The following OSBPL9 variants were observed in gnomAD, a reference collection of about 807,000 sequenced individuals.
The protein encoded by OSBPL9 is oxysterol binding protein like 9.
Under a neutral mutation model 106.6 loss-of-function variants are expected in OSBPL9, and 40 were observed. That is an observed-to-expected ratio of 0.38 (90% CI 0.29 to 0.49). The LOEUF is 0.49. OSBPL9 is among the 20% of genes least tolerant of loss of function. The pLI, the probability that OSBPL9 is intolerant of heterozygous loss-of-function variation, is 0.97. For synonymous variants in OSBPL9, 269 were observed against 295.4 expected (o/e 0.91, Z 0.92); for missense variants, 609 against 887.2 (o/e 0.69, Z 3.98).
intron 1 of OSBPL9, among the ~76,000 whole-genome samples, chr1:51,648,719 A>G (rs77047833): frequency 0.028 from 4,206 of 152,280 alleles, 89 homozygotes; most frequent in Non-Finnish European, 0.043. Context: ...ACTCAGCCAC[A>G]TTTTACATAT....
intron 1 of OSBPL9, among the ~76,000 whole-genome samples, chr1:51,651,431 C>A (rs564157846): frequency 3.9e-5 from 6 of 151,940 alleles, no homozygotes; most frequent in Non-Finnish European, 5.9e-5. Context: ...GGTGAAACCC[C>A]GTCTCTATCA....
chr1:51,538,821 T>A, the OSBPL9 span: 3 of 152,244 alleles, frequency 2.0e-5, no homozygotes, highest in African/African-American at 7.2e-5. Flanking sequence ...TGTCCAATAT[T>A]TTCTTTAGTC....
chr1:51,696,719 C>A (rs1396252307), intron 3 of OSBPL9, among the ~76,000 whole-genome samples: 2 of 152,196 alleles, frequency 1.3e-5, no homozygotes, highest in Non-Finnish European at 2.9e-5. Flanking sequence ...AACAAAAATT[C>A]TCTAAAAGAC....
At chr1:51,771,563 A>G (rs1016977035) in intron 12 of OSBPL9, among the ~76,000 whole-genome samples, 2 of 152,230 alleles carry the variant, frequency 1.3e-5, no homozygotes, top group African/African-American at 4.8e-5. Context: ...TAATAGAATA[A>G]TCTTTCTTTA....
At chr1:51,587,865 G>A (rs948293382) in intron 1 of OSBPL9, among the ~76,000 whole-genome samples, 1 of 152,126 alleles carries the variant, frequency 6.6e-6, no homozygotes, top group African/African-American at 2.4e-5. Context: ...TGAGGCTTCC[G>A]CCTCACCACT....
At chr1:51,614,433 T>G (rs1243459518), upstream of OSBPL9, 1 of 152,154 alleles carries the variant, frequency 6.6e-6, no homozygotes, top group African/African-American at 2.4e-5. Context: ...GGACTACAGA[T>G]GTGTGCCACC....
At chr1:51,717,283 T>C (rs1022019072) in intron 4 of OSBPL9, among the ~76,000 whole-genome samples, 1 of 152,190 alleles carries the variant, frequency 6.6e-6, no homozygotes, top group Non-Finnish European at 1.5e-5. Context: ...TCCTTTTTCA[T>C]TGAACTTTAT....
intron 2 of OSBPL9, among the ~76,000 whole-genome samples, chr1:51,610,880 G>A (rs766928508): frequency 2.0e-5 from 3 of 152,212 alleles, no homozygotes; most frequent in Non-Finnish European, 4.4e-5. Flanking sequence ...AGTCCTCAAA[G>A]AACCCAAGAG....
At chr1:51,714,160 A>T in intron 4 of OSBPL9, 81 bp downstream of exon 4, 3 of 1,014,062 alleles carry the variant, frequency 3.0e-6, no homozygotes, top group Non-Finnish European at 4.4e-6. Context: ...TTTTTTTTTA[A>T]ATAACTGTGG....
intron 1 of OSBPL9, chr1:51,583,489 G>A (rs1454778515): frequency 6.6e-6 from 1 of 152,206 alleles, no homozygotes. Flanking sequence ...ATCAGGACTT[G>A]AAGTATCATC....
At chr1:51,549,806 C>T in the OSBPL9 span, among the ~76,000 whole-genome samples, 2 of 152,214 alleles carry the variant, frequency 1.3e-5, no homozygotes, top group African/African-American at 4.8e-5. Context: ...GCACTCCAGC[C>T]TGGGCAACAG....
the OSBPL9 span, chr1:51,519,145 G>T: frequency 7.6e-7 from 1 of 1,321,020 alleles, no homozygotes. Flanking sequence ...GCTGAGGGCG[G>T]TGGGGGAGGG....
At chr1:51,724,113 T>A (rs1662660462) in intron 4 of OSBPL9, among the ~76,000 whole-genome samples, 1 of 151,824 alleles carries the variant, frequency 6.6e-6, no homozygotes, top group Admixed American at 6.6e-5. Flanking sequence ...CGCCTGCTAA[T>A]TTTTGTATTT....
At chr1:51,601,267 G>GTAT (rs1645324294) in intron 2 of OSBPL9, among the ~76,000 whole-genome samples, 1 of 152,242 alleles carries the variant, frequency 6.6e-6, no homozygotes, top group East Asian at 1.9e-4. Flanking sequence ...AAATTACTGT[G>GTAT]TAGTCCTGGG....
chr1:51,759,449 T>G (rs1279357625), intron 9 of OSBPL9: 1 of 152,210 alleles, frequency 6.6e-6, no homozygotes, highest in East Asian at 1.9e-4. Flanking sequence ...TAGGTGATTT[T>G]AAGTTTTTAC....
At chr1:51,559,298 G>T in the OSBPL9 span, among the ~76,000 whole-genome samples, 28 of 152,196 alleles carry the variant, frequency 1.8e-4, no homozygotes, top group East Asian at 5.4e-3. Flanking sequence ...TGGGGGTGGG[G>T]GTTGCGGGGG....
At chr1:51,745,260 G>A (rs1667743583) in intron 4 of OSBPL9, 2 of 327,760 alleles carry the variant, frequency 6.1e-6, no homozygotes, top group South Asian at 3.6e-5. Context: ...AGGGTTTGGG[G>A]GAGATAAGAA....
intron 1 of OSBPL9, among the ~76,000 whole-genome samples, chr1:51,580,477 C>T (rs1283510900): frequency 1.3e-5 from 2 of 152,086 alleles, no homozygotes; most frequent in African/African-American, 2.4e-5. Context: ...ATCTTGGAGG[C>T]TGTCATTTCT....
the OSBPL9 span, among the ~76,000 whole-genome samples, chr1:51,552,928 A>G: frequency 1.3e-5 from 2 of 149,504 alleles, no homozygotes; most frequent in African/African-American, 4.9e-5. Context: ...TGGTCTTTCC[A>G]TTTTTTTTTA....
Sources: gnomAD v4.1 joint callset for allele counts (sites outside exome capture counted in the v4.1 genomes callset) on GRCh38, gnomAD v4.1.1 for gene constraint, MANE v1.5 for transcripts, NCBI Gene and HGNC (gene_info 2026-07-23, HGNC 2026-07-21) for gene names.